Variants in SV2B observed in about 807,000 individuals in gnomAD.
SV2B encodes solute carrier family 22 member B2.
A neutral mutation model predicts 73.9 loss-of-function variants in SV2B; 41 were observed. The observed-to-expected ratio is 0.56, with a 90% CI of 0.43 to 0.72. The LOEUF is 0.72. SV2B is among the 30% of genes least tolerant of loss of function. The pLI is 0.00. For synonymous variants in SV2B, 314 were observed against 314.2 expected (o/e 1.00, Z 0.01); for missense variants, 764 against 857.8 (o/e 0.89, Z 1.37).
At chr15:91,262,875 G>T (rs1231833012) in intron 6 of SV2B, among the ~76,000 whole-genome samples, 3 of 152,202 alleles carry the variant, frequency 2.0e-5, no homozygotes, top group Non-Finnish European at 4.4e-5. Flanking sequence ...AGGCTTCTGG[G>T]TGTACTTGGC....
At chr15:91,153,189 C>T (rs1226907974) in intron 1 of SV2B, among the ~76,000 whole-genome samples, 1 of 152,210 alleles carries the variant, frequency 6.6e-6, no homozygotes, top group South Asian at 2.1e-4. Flanking sequence ...GTGGAGCCCT[C>T]GTGACTTACT....
chr15:91,143,624 C>T (rs1194341078), intron 1 of SV2B, among the ~76,000 whole-genome samples: 4 of 151,160 alleles, frequency 2.6e-5, no homozygotes, highest in South Asian at 2.1e-4. Context: ...TCCCAGAAAA[C>T]GCAGCATTCT....
At position 91,234,827 on chromosome 15, in the gene SV2B, G is replaced by A. The variant is rs954278006; in HGVS notation, c.451+8113G>A. On this transcript the variant is annotated intron_variant, in intron 2 of 12. Coordinates refer to ENST00000394232, the MANE Select transcript of SV2B (RefSeq NM_001323032.3). The surrounding 1 kb of genome is among the most constrained non-coding windows in gnomAD (Gnocchi z 5.6). ...AAAGAGACCTGTGGGCTTTTACTAGGTGACTGTGCATTGGGGAAAGGAAAA... is the reference window on the plus strand; with the variant it reads ...AAAGAGACCTGTGGGCTTTTACTAGATGACTGTGCATTGGGGAAAGGAAAA... Among the ~76,000 whole-genome samples, 3 of 152,196 alleles carry A rather than the reference G, an allele frequency of 2.0e-5. No individual in the cohort carries two copies. The highest frequency in any genetic ancestry group is 7.2e-5 in the African/African-American group (3 of 41,450).
chr15:91,217,626 A>C (rs370862036), intron 1 of SV2B, among the ~76,000 whole-genome samples: 3 of 152,256 alleles, frequency 2.0e-5, no homozygotes, highest in African/African-American at 7.2e-5. Context: ...CAGCTTGTAA[A>C]TGTTGCTCTT....
Position 91,123,332 on chromosome 15 carries a change from C to G in SV2B, c.-392+22969C>G, listed in dbSNP as rs141336828. On this transcript the variant is annotated intron_variant, in intron 1 of 12. Coordinates refer to ENST00000394232, the MANE Select transcript of SV2B (RefSeq NM_001323032.3). The surrounding 1 kb of genome is among the most constrained non-coding windows in gnomAD (Gnocchi z 4.7). ...TGTGTTCTTATCATACACACATACA[C>G]ACACAAAAAGATAAGTCTGTGAGGT... Among the ~76,000 whole-genome samples the G allele has an allele frequency of 6.6e-6, 1 of 152,280 alleles. No individual in the cohort carries two copies. The highest frequency in any genetic ancestry group is 2.4e-5 in the African/African-American group (1 of 41,560).
rs1456806045 is a variant in SV2B at position 91,292,581 on chromosome 15, A to G, written c.*29A>G. On this transcript the variant is annotated 3_prime_UTR_variant, in exon 13 of 13. Coordinates refer to ENST00000394232, the MANE Select transcript of SV2B (RefSeq NM_001323032.3). ...ACCTATGGGAAAAGGAAAGGTCGAG[A>G]GAATCTTGTCCAGGACACTGAAATG... 1.2e-6 allele frequency: 2 copies of G among 1,601,088 alleles called. No homozygotes were observed. Among genetic ancestry groups the G allele is most frequent in the Admixed American group, 3.4e-5 (2 of 58,328 alleles).
Position 91,140,902 on chromosome 15 carries a change from T to C in SV2B, c.-392+40539T>C, listed in dbSNP as rs185164681. Among the ~76,000 whole-genome samples, 553 of 152,248 alleles carry C rather than the reference T, an allele frequency of 3.6e-3. 1 individual carries two copies. The highest frequency in any genetic ancestry group is 0.012 in the African/African-American group (518 of 41,546). Reference sequence around the variant, plus strand: ...AGATAGAAGACTCTCTGTTTTCTTATGGCCACAGGCAGCAAAGAGAAACCA... The same window carrying C: ...AGATAGAAGACTCTCTGTTTTCTTACGGCCACAGGCAGCAAAGAGAAACCA... On this transcript the variant is annotated intron_variant, in intron 1 of 12. Coordinates refer to ENST00000394232, the MANE Select transcript of SV2B (RefSeq NM_001323032.3). The surrounding 1 kb of genome is among the most constrained non-coding windows in gnomAD (Gnocchi z 4.4).
intron 2 of SV2B, among the ~76,000 whole-genome samples, chr15:91,250,288 G>C (rs1329914760): frequency 6.6e-6 from 1 of 151,482 alleles, no homozygotes; most frequent in Non-Finnish European, 1.5e-5. Context: ...AATAGATGCA[G>C]AAAAAGCATT....
chr15:91,191,070 T>TTC (rs2045002891), intron 1 of SV2B, among the ~76,000 whole-genome samples: 3 of 125,608 alleles, frequency 2.4e-5, no homozygotes, highest in Non-Finnish European at 3.3e-5. Flanking sequence ...TTTCTTTTTT[T>TTC]TTTTTTTTTT....
intron 1 of SV2B, among the ~76,000 whole-genome samples, chr15:91,203,790 G>A (rs1472836316): frequency 1.3e-5 from 2 of 152,128 alleles, no homozygotes; most frequent in African/African-American, 4.8e-5. Context: ...GTAAACAAAA[G>A]ACCATGAGAT....
chr15:91,200,603 C>T (rs1329891225), intron 1 of SV2B, among the ~76,000 whole-genome samples: 1 of 152,130 alleles, frequency 6.6e-6, no homozygotes, highest in Non-Finnish European at 1.5e-5. Flanking sequence ...GGGGTTTATT[C>T]ATTTTGAATA....
At chr15:91,276,064 G>GTT (rs35560168) in intron 9 of SV2B, among the ~76,000 whole-genome samples, 57 of 140,044 alleles carry the variant, frequency 4.1e-4, no homozygotes, top group South Asian at 6.8e-4. Context: ...TGGGTGGACA[G>GTT]TTTTTTTTTT....
At chr15:91,186,018 C>A (rs906258806) in intron 1 of SV2B, among the ~76,000 whole-genome samples, 8 of 152,222 alleles carry the variant, frequency 5.3e-5, no homozygotes, top group African/African-American at 1.4e-4. Context: ...CTTCTCTCTT[C>A]TGTCTTCATC....
Position 91,226,235 on chromosome 15 carries a change from G to A in SV2B, c.-29G>A, listed in dbSNP as rs2073967. On this transcript the variant is annotated 5_prime_UTR_variant, in exon 2 of 13. Coordinates refer to ENST00000394232, the MANE Select transcript of SV2B (RefSeq NM_001323032.3). Reference sequence around the variant, plus strand: ...CACAGAGCGAGGGATATAGCTCAAGGGGCAACCAGGCAGTCGCAGAACCAA... The same window carrying A: ...CACAGAGCGAGGGATATAGCTCAAGAGGCAACCAGGCAGTCGCAGAACCAA... 0.26 allele frequency: 410,713 copies of A among 1,610,486 alleles called. 65,198 individuals are homozygous for A. Among genetic ancestry groups the A allele is most frequent in the African/African-American group, 0.79 (59,370 of 74,834 alleles).
intron 1 of SV2B, among the ~76,000 whole-genome samples, chr15:91,152,965 T>C (rs7182703): frequency 0.029 from 4,376 of 152,256 alleles, 232 homozygotes; most frequent in African/African-American, 0.097. Flanking sequence ...GATCATGGTG[T>C]CAGCAGATTC....
rs114988502 is a variant in SV2B, at chr15:91,263,864, C to G, written c.1009-2718C>G. 5.4e-3 allele frequency among the ~76,000 whole-genome samples: 820 copies of G among 152,376 alleles called. 4 individuals are homozygous for G. The highest frequency in any genetic ancestry group is 0.018 in the African/African-American group (767 of 41,594). On this transcript the variant is annotated intron_variant, in intron 6 of 12. Coordinates refer to ENST00000394232, the MANE Select transcript of SV2B (RefSeq NM_001323032.3). ...CAGTCTCTCCACCTCCTTTCCTCTG[C>G]CTTCTCTCTATTCTTCTCCCTTTCG...
intron 11 of SV2B, among the ~76,000 whole-genome samples, chr15:91,285,523 G>A (rs1014596064): frequency 6.6e-6 from 1 of 152,232 alleles, no homozygotes. Context: ...GACACTACAG[G>A]TTGGCATCTT....
chr15:91,198,255 G>A (rs2045324783), intron 1 of SV2B, among the ~76,000 whole-genome samples: 1 of 152,096 alleles, frequency 6.6e-6, no homozygotes, highest in Non-Finnish European at 1.5e-5. Flanking sequence ...GCTCACGGTG[G>A]TTCATTATGT....
At chr15:91,260,965 A>G (rs754730345) in intron 6 of SV2B, among the ~76,000 whole-genome samples, 3 of 152,226 alleles carry the variant, frequency 2.0e-5, no homozygotes, top group Non-Finnish European at 4.4e-5. Flanking sequence ...TGTGGGAATT[A>G]TGGGAGTACA....
Sources: gnomAD v4.1 joint callset for allele counts (sites outside exome capture counted in the v4.1 genomes callset) on GRCh38, gnomAD v4.1.1 for gene constraint, Gnocchi (gnomAD v3.1) non-coding constraint, MANE v1.5 for transcripts, NCBI Gene and HGNC (gene_info 2026-07-23, HGNC 2026-07-21) for gene names.